Variants in XPA observed in about 807,000 individuals in gnomAD.
The protein encoded by XPA is DNA repair protein complementing XP-A cells.
In XPA, 27 loss-of-function variants were observed where a neutral mutation model predicts 35.7. The observed-to-expected ratio is 0.76, with a 90% CI of 0.56 to 1.04. XPA has a LOEUF of 1.04. Among genes scored for constraint, XPA ranks in the 50% least tolerant of loss-of-function variants. The pLI, the probability that XPA is intolerant of heterozygous loss-of-function variation, is 0.00. For synonymous variants in XPA, 133 were observed against 118.4 expected, an observed-to-expected ratio of 1.12 and a Z score of -0.80; for missense variants, 354 against 342.7, an observed-to-expected ratio of 1.03 and a Z score of -0.26.
downstream of XPA, chr9:97,670,129 G>C (rs1357984886): frequency 1.7e-5 from 5 of 295,082 alleles, no homozygotes; most frequent in African/African-American, 1.1e-4. Flanking sequence ...CACCATGTTG[G>C]CCAGGCTAGT....
chr9:97,654,929 C>T, the XPA span: 1 of 1,609,308 alleles, frequency 6.2e-7, no homozygotes, highest in Non-Finnish European at 8.5e-7. Flanking sequence ...ACAATGAACA[C>T]TACCTGTGTA....
chr9:97,693,536 T>G (rs1014460542), intron 2 of XPA, 113 bp downstream of exon 2: 20 of 928,416 alleles, frequency 2.2e-5, no homozygotes. Context: ...ATAAAGATAA[T>G]GTACTCACTG....
chr9:97,675,101 CT>C lies in XPA; in HGVS notation c.*337del. On this transcript the variant is annotated 3_prime_UTR_variant, in exon 6 of 6. Transcript: ENST00000375128. ...AATCCAGTTCAGCCTTTGTTGAACC[CT>C]TTTCCCTCTACCCCAATCTAGGGTT... is the stretch of plus-strand genomic sequence containing the variant. 1 of 543,718 alleles carries C rather than the reference CT, an allele frequency of 1.8e-6. No homozygotes were observed. The highest frequency in any genetic ancestry group is 3.5e-6 in the Non-Finnish European group (1 of 283,454). The allele number at this position is 543,718 out of a possible 1,614,324, so 33.7% of individuals were successfully genotyped here. A position where few individuals can be genotyped will look rare whatever the true frequency, so the allele number is the denominator to read the frequency against.
intron 2 of XPA, 60 bp from the exon 3 acceptor site, chr9:97,689,699 T>C: frequency 1.0e-6 from 1 of 989,580 alleles, no homozygotes; most frequent in South Asian, 1.4e-5. Flanking sequence ...TATATTTTCC[T>C]CTATTTTATT....
At chr9:97,660,424 A>C in the XPA span, among the ~76,000 whole-genome samples, 1 of 152,342 alleles carries the variant, frequency 6.6e-6, no homozygotes, top group Middle Eastern at 3.4e-3. Context: ...TGACTTACGT[A>C]GATTCAAGCT....
chr9:97,688,391 G>A (rs1328030496), intron 3 of XPA, among the ~76,000 whole-genome samples: 3 of 152,170 alleles, frequency 2.0e-5, no homozygotes, highest in Non-Finnish European at 4.4e-5. Context: ...CCACTTCTAA[G>A]AAAGCTCATG....
At chr9:97,677,943 T>G (rs1369539095) in intron 5 of XPA, among the ~76,000 whole-genome samples, 2 of 152,088 alleles carry the variant, frequency 1.3e-5, no homozygotes, top group Non-Finnish European at 1.5e-5. Flanking sequence ...GCCACCAGGT[T>G]TCTCATCATC....
the XPA span, chr9:97,669,850 C>G: frequency 0.29 from 209,110 of 713,354 alleles, 33,401 homozygotes; most frequent in African/African-American, 0.46. Flanking sequence ...GCTACCATTG[C>G]TCATCAGAAT....
chr9:97,671,392 A>G, downstream of XPA: 5 of 539,234 alleles, frequency 9.3e-6, no homozygotes, highest in South Asian at 1.1e-4. Context: ...TAACGGCAGT[A>G]ATGTGACTAT....
the XPA span, among the ~76,000 whole-genome samples, chr9:97,659,989 C>CT: frequency 3.8e-4 from 58 of 152,270 alleles, no homozygotes; most frequent in African/African-American, 1.3e-3. Flanking sequence ...GCTCCACTTC[C>CT]TTTTCTCCTT....
chr9:97,656,032 T>C, the XPA span: 4 of 1,614,036 alleles, frequency 2.5e-6, no homozygotes, highest in Non-Finnish European at 3.4e-6. Flanking sequence ...TTAGTCAAGA[T>C]CCTGAAAGTC....
the XPA span, among the ~76,000 whole-genome samples, chr9:97,667,344 G>A: frequency 6.6e-6 from 1 of 152,182 alleles, no homozygotes; most frequent in Non-Finnish European, 1.5e-5. Context: ...GAAGCAGTGA[G>A]TGACTTAACA....
At chr9:97,661,557 T>C in the XPA span, among the ~76,000 whole-genome samples, 1 of 152,180 alleles carries the variant, frequency 6.6e-6, no homozygotes, top group African/African-American at 2.4e-5. Flanking sequence ...ATAGAAAAAC[T>C]ACTGAATCAA....
intron 5 of XPA, among the ~76,000 whole-genome samples, chr9:97,677,722 G>C (rs7021377): frequency 0.093 from 14,110 of 151,384 alleles, 2,255 homozygotes; most frequent in African/African-American, 0.32. Context: ...ACATAAGAAA[G>C]TATTTAAAAA....
intron 2 of XPA, among the ~76,000 whole-genome samples, chr9:97,692,245 C>T (rs954311613): frequency 6.6e-6 from 1 of 151,396 alleles, no homozygotes; most frequent in African/African-American, 2.4e-5. Context: ...GAGCTGAGAT[C>T]GCACCATTAC....
At chr9:97,666,739 A>G in the XPA span, 1 of 1,468,366 alleles carries the variant, frequency 6.8e-7, no homozygotes, top group Non-Finnish European at 9.3e-7. Context: ...GACATACAGT[A>G]ACCAAATGCC....
intron 3 of XPA, among the ~76,000 whole-genome samples, chr9:97,688,981 A>AC (rs1828801861): frequency 6.6e-6 from 1 of 152,194 alleles, no homozygotes; most frequent in African/African-American, 2.4e-5. Flanking sequence ...TAGGAGAACC[A>AC]CGTGAAGTGA....
rs762493477 is a variant in XPA at position 97,693,763 on chromosome 9, C to CA, written c.173-5dup. ...GCTGCTTTTACATTAGCCATGCCTACAAAAGTAAGTAAAAGCAGTCAACAA... is the reference window on the plus strand; with the variant it reads ...GCTGCTTTTACATTAGCCATGCCTACAAAAAGTAAGTAAAAGCAGTCAACAA... On this transcript the variant is annotated splice_region_variant and splice_polypyrimidine_tract_variant and intron_variant, in intron 1 of 5. Transcript: ENST00000375128. The CA allele has an allele frequency of 3.7e-6, 6 of 1,612,002 alleles. No homozygotes were observed. In the East Asian group the frequency reaches 6.7e-5, roughly 18 times the overall value.
chr9:97,679,117 C>A (rs539023374), intron 5 of XPA, among the ~76,000 whole-genome samples: 25 of 152,158 alleles, frequency 1.6e-4, no homozygotes, highest in African/African-American at 6.0e-4. Flanking sequence ...AATACTAAAT[C>A]AATGTTAAAT....
Sources: gnomAD v4.1 joint callset for allele counts (sites outside exome capture counted in the v4.1 genomes callset) on GRCh38, gnomAD v4.1.1 for gene constraint, MANE v1.5 for transcripts, NCBI Gene and HGNC (gene_info 2026-07-23, HGNC 2026-07-21) for gene names.